DMD: variants seen among roughly 807,000 people sequenced by gnomAD.
The protein encoded by DMD is dystrophin.
DMD carries 63 observed loss-of-function variants against 330.1 expected under a neutral mutation model. That is an observed-to-expected ratio of 0.19 (90% CI 0.16 to 0.24). The LOEUF (loss-of-function observed/expected upper bound fraction) is 0.24. Ranked by LOEUF, DMD falls within the 10% of genes least tolerant of loss-of-function variation. The pLI, the probability that DMD is intolerant of heterozygous loss-of-function variation, is 1.00. For synonymous variants in DMD, 1,223 were observed against 959.8 expected (o/e 1.27, Z -5.07); for missense variants, 3,344 against 2,684.1 (o/e 1.25, Z -5.43).
intron 34 of DMD, among the ~76,000 whole-genome samples, chrX:32,366,009 A>G (rs752164576): frequency 8.9e-6 from 1 of 112,182 alleles, no homozygotes; most frequent in Admixed American, 9.5e-5. Flanking sequence ...AAATAAAGAT[A>G]AAGTTTTCCC....
intron 44 of DMD, among the ~76,000 whole-genome samples, chrX:32,121,650 T>C (rs1569544725): frequency 1.2e-5 from 1 of 85,612 alleles, no homozygotes; most frequent in Non-Finnish European, 2.2e-5. Flanking sequence ...TATATATATA[T>C]ATATATATAT....
chrX:32,684,229 C>CCA (rs57929717), intron 9 of DMD, among the ~76,000 whole-genome samples: 15,971 of 107,421 alleles, frequency 0.15, 2,878 homozygotes, highest in African/African-American at 0.5. Context: ...ATGTATATAC[C>CCA]CACACACACA....
chrX:32,927,382 T>G lies in DMD; in HGVS notation c.94-77562A>C, dbSNP rs1454173223. On this transcript the variant is annotated intron_variant, in intron 2 of 78. Coordinates refer to ENST00000357033, the MANE Select transcript of DMD (RefSeq NM_004006.3). The stretch of plus-strand genomic sequence containing the variant: ...TTCTTTCTTTTTTTTTTTTTTTTTT[T>G]TTTTTGATGGAATTTCACTCTTGTT... Among the ~76,000 whole-genome samples, 13 of 99,770 alleles carry G rather than the reference T, an allele frequency of 1.3e-4. No homozygotes were observed. In the East Asian group the frequency reaches 3.4e-3, roughly 26 times the overall value. 86.6% of individuals were successfully genotyped at this position (99,770 alleles called of 115,157 possible).
chrX:32,394,338 G>T (rs2098025197), intron 30 of DMD, among the ~76,000 whole-genome samples: 1 of 111,570 alleles, frequency 9.0e-6, no homozygotes, highest in South Asian at 3.8e-4. Flanking sequence ...ACAGTAACCA[G>T]GATTTAAATT....
At chrX:31,341,881 G>C (rs765433149) in intron 61 of DMD, among the ~76,000 whole-genome samples, 13 of 59,605 alleles carry the variant, frequency 2.2e-4, no homozygotes, top group African/African-American at 1.1e-3. Context: ...GCGCGCGTGC[G>C]TGCGCGCGCG....
At chrX:32,324,089 G>C (rs777610769) in intron 41 of DMD, among the ~76,000 whole-genome samples, 1 of 110,488 alleles carries the variant, frequency 9.1e-6, no homozygotes, top group East Asian at 2.9e-4. Context: ...AAGAAGAGTA[G>C]GGTGACTATA....
Position 31,199,502 on chromosome X carries a change from G to T in DMD, c.9807+4459C>A, listed in dbSNP as rs767246087. 1.2e-4 allele frequency among the ~76,000 whole-genome samples: 13 copies of T among 112,255 alleles called. No individual in the cohort carries two copies. In the South Asian group the frequency reaches 4.5e-3, roughly 39 times the overall value. The stretch of plus-strand genomic sequence containing the variant: ...GATAATTCCTTGGAAGACCTATAGT[G>T]ATTTTTAAATAAGCAAAATTTTACA... On this transcript the variant is annotated intron_variant, in intron 67 of 78. Coordinates refer to ENST00000357033, the MANE Select transcript of DMD (RefSeq NM_004006.3).
intron 1 of DMD, among the ~76,000 whole-genome samples, chrX:33,063,800 T>C (rs1475293629): frequency 2.7e-5 from 3 of 110,581 alleles, no homozygotes; most frequent in African/African-American, 9.9e-5. Flanking sequence ...CTTGGGCATA[T>C]GGTTGAAAAT....
intron 44 of DMD, among the ~76,000 whole-genome samples, chrX:32,215,888 TAAAA>T (rs2097110548): frequency 8.9e-6 from 1 of 112,291 alleles, no homozygotes; most frequent in Admixed American, 9.4e-5. Flanking sequence ...CACAAGGTTT[TAAAA>T]ATATTTTCTG....
intron 2 of DMD, among the ~76,000 whole-genome samples, chrX:32,862,392 T>C (rs773987980): frequency 5.4e-5 from 6 of 111,818 alleles, no homozygotes; most frequent in Non-Finnish European, 1.1e-4. Context: ...TTAATGGAAA[T>C]CAAGTTGTTA....
chrX:32,670,371 A>C (rs2061557673), intron 9 of DMD, among the ~76,000 whole-genome samples: 1 of 112,009 alleles, frequency 8.9e-6, no homozygotes, highest in South Asian at 3.7e-4. Context: ...ATTAGAAATA[A>C]ATTTTAACAC....
chrX:32,807,578 G>T (rs1193636228), intron 7 of DMD, among the ~76,000 whole-genome samples: 2 of 111,462 alleles, frequency 1.8e-5, no homozygotes, highest in Admixed American at 9.5e-5. Flanking sequence ...TCCCACTTAG[G>T]AGAGCATATG....
intron 56 of DMD, among the ~76,000 whole-genome samples, chrX:31,498,497 G>A (rs2147091585): frequency 8.9e-6 from 1 of 111,921 alleles, no homozygotes; most frequent in South Asian, 3.7e-4. Flanking sequence ...TATGGATATG[G>A]AAAAGGTCAT....
intron 55 of DMD, among the ~76,000 whole-genome samples, chrX:31,563,098 C>T (rs1986292216): frequency 9.0e-6 from 1 of 110,926 alleles, no homozygotes; most frequent in African/African-American, 3.3e-5. Flanking sequence ...GAGTTTCGCT[C>T]TTGTTGCCCA....
intron 18 of DMD, among the ~76,000 whole-genome samples, chrX:32,508,786 AT>A (rs1157515788): frequency 9.0e-6 from 1 of 111,572 alleles, no homozygotes; most frequent in Non-Finnish European, 1.9e-5. Flanking sequence ...AACTTCAATA[AT>A]CTTAAAAAGA....
intron 53 of DMD, among the ~76,000 whole-genome samples, chrX:31,672,621 T>C (rs2148697465): frequency 8.9e-6 from 1 of 112,492 alleles, no homozygotes; most frequent in South Asian, 3.7e-4. Context: ...TTATCCCATT[T>C]ACCTATTTTC....
At chrX:32,376,022 G>C (rs1238149344) in intron 34 of DMD, among the ~76,000 whole-genome samples, 3 of 111,689 alleles carry the variant, frequency 2.7e-5, no homozygotes. Context: ...ACTCACACCT[G>C]TAATCCCAGC....
At chrX:32,243,402 G>A (rs913263205) in intron 43 of DMD, among the ~76,000 whole-genome samples, 4 of 111,510 alleles carry the variant, frequency 3.6e-5, no homozygotes, top group African/African-American at 1.3e-4. Context: ...AACATCTTAA[G>A]GATAAAAGAC....
At chrX:31,466,317 T>G (rs1402302706) in intron 59 of DMD, among the ~76,000 whole-genome samples, 1 of 111,709 alleles carries the variant, frequency 9.0e-6, no homozygotes, top group Non-Finnish European at 1.9e-5. Context: ...TTAGGTTTTA[T>G]GTTTAAGTCT....
Sources: allele counts gnomAD v4.1 joint callset (sites outside exome capture counted in the v4.1 genomes callset), GRCh38; gene constraint gnomAD v4.1.1; transcripts MANE v1.5; gene names NCBI Gene and HGNC (gene_info 2026-07-23, HGNC 2026-07-21).